JMY: variants seen among roughly 807,000 people sequenced by gnomAD.
JMY encodes junction mediating and regulatory protein, p53 cofactor, also known as junction-mediating and -regulatory protein.
Under a neutral mutation model 103.3 loss-of-function variants are expected in JMY, and 46 were observed. The observed-to-expected ratio is 0.45, with a 90% CI of 0.35 to 0.57. JMY has a LOEUF of 0.57. Ranked by LOEUF, JMY falls within the 20% of genes least tolerant of loss-of-function variation. JMY has a pLI of 0.00. For synonymous variants in JMY, 526 were observed against 489.3 expected, an observed-to-expected ratio of 1.07 and a Z score of -0.99; for missense variants, 1,238 against 1,255.2, an observed-to-expected ratio of 0.99 and a Z score of 0.21.
chr5:79,269,782 G>A (rs1745688659), intron 1 of JMY, among the ~76,000 whole-genome samples: 1 of 151,630 alleles, frequency 6.6e-6, no homozygotes, highest in Non-Finnish European at 1.5e-5. Flanking sequence ...CTAGGCTGGA[G>A]TGCAGTGGCG....
intron 10 of JMY, among the ~76,000 whole-genome samples, chr5:79,319,344 T>C (rs2112126338): frequency 6.6e-6 from 1 of 152,294 alleles, no homozygotes; most frequent in East Asian, 1.9e-4. Context: ...GTGAAACACT[T>C]AGAAAATATA....
intron 1 of JMY, among the ~76,000 whole-genome samples, chr5:79,257,856 G>A (rs1745294644): frequency 6.6e-6 from 1 of 152,024 alleles, no homozygotes; most frequent in Non-Finnish European, 1.5e-5. Flanking sequence ...TCTGCCTCCT[G>A]TGTTCAAGCA....
rs559559818 is a variant in JMY at position 79,239,491 on chromosome 5, T to A, written c.1032+1809T>A. Reference sequence around the variant, plus strand: ...CTTAATGAATGGGCCTGTCTGATTGTAACTTTTTGGATACTCAGAAAAAGC... The same window carrying A: ...CTTAATGAATGGGCCTGTCTGATTGAAACTTTTTGGATACTCAGAAAAAGC... On this transcript the variant is annotated intron_variant, in intron 1 of 10. Coordinates refer to ENST00000396137, the MANE Select transcript of JMY (RefSeq NM_152405.5). Among the ~76,000 whole-genome samples, 3 of 152,352 alleles carry A rather than the reference T, an allele frequency of 2.0e-5. No homozygotes were observed. In the East Asian group the frequency reaches 5.8e-4, roughly 29 times the overall value.
In JMY at chr5:79,322,794, G is replaced by A. The variant is rs1423726777; in HGVS notation, c.*1192G>A. 6.6e-6 allele frequency: 1 copy of A among 152,198 alleles called. No homozygotes were observed. Among genetic ancestry groups the A allele is most frequent in the Admixed American group, 6.5e-5 (1 of 15,278 alleles). The allele number at this position is 152,198 out of a possible 1,614,324, so 9.4% of individuals were successfully genotyped here. A position where few individuals can be genotyped will look rare whatever the true frequency, so the allele number is the denominator to read the frequency against. ...ATACATGTAGATCATTGGACTCAGT[G>A]TGCAGTACCCTGTACATATAATTCT... On this transcript the variant is annotated 3_prime_UTR_variant, in exon 11 of 11. Transcript: ENST00000396137.
rs55994052 is a variant in JMY, at chr5:79,310,057, C to CTTTTTTTTT, written c.1969-2328_1969-2320dup. On this transcript the variant is annotated intron_variant, in intron 7 of 10. Transcript: ENST00000396137. Reference sequence around the variant, plus strand: ...TAGTAAATCGATTATCTTTCTTTTCCTTTTTTTTTTTTTTTTTTTTTTTTT... The same window carrying CTTTTTTTTT: ...TAGTAAATCGATTATCTTTCTTTTCCTTTTTTTTTTTTTTTTTTTTTTTTTTTTTTTTTT... Among the ~76,000 whole-genome samples, 13 of 73,666 alleles carry CTTTTTTTTT rather than the reference C, an allele frequency of 1.8e-4. 1 individual carries two copies. The highest frequency in any genetic ancestry group is 5.8e-4 in the African/African-American group (9 of 15,482). The allele number at this position is 73,666 out of a possible 152,430, so 48.3% of individuals were successfully genotyped here. A position where few individuals can be genotyped will look rare whatever the true frequency, so the allele number is the denominator to read the frequency against.
chr5:79,278,838 A>G (rs986721741), intron 2 of JMY, among the ~76,000 whole-genome samples: 1 of 138,708 alleles, frequency 7.2e-6, no homozygotes, highest in Non-Finnish European at 1.5e-5. Context: ...CATGTTGCCC[A>G]GGCTGGTCTG....
At chr5:79,263,474 A>C (rs1233990096) in intron 1 of JMY, among the ~76,000 whole-genome samples, 1 of 151,910 alleles carries the variant, frequency 6.6e-6, no homozygotes, top group African/African-American at 2.4e-5. Context: ...ACTCACTGCA[A>C]CCTCCATCTC....
At chr5:79,291,938 G>A (rs1409858214) in intron 4 of JMY, among the ~76,000 whole-genome samples, 1 of 152,178 alleles carries the variant, frequency 6.6e-6, no homozygotes, top group Non-Finnish European at 1.5e-5. Flanking sequence ...TAAGAATACA[G>A]CATTATGTAA....
chr5:79,275,243 C>T (rs1445477845), intron 1 of JMY, among the ~76,000 whole-genome samples: 1 of 151,316 alleles, frequency 6.6e-6, no homozygotes, highest in African/African-American at 2.4e-5. Flanking sequence ...TCACTGCAAG[C>T]TCCGCCTCCC....
intron 4 of JMY, 71 bp downstream of exon 4, chr5:79,291,370 A>AT (rs1299012706): frequency 1.5e-6 from 2 of 1,346,348 alleles, no homozygotes; most frequent in East Asian, 2.4e-5. Context: ...TGCACAAGAC[A>AT]TTTTTTTGAT....
chr5:79,290,126 C>T lies in JMY; in HGVS notation c.1212C>T (p.Ser404=), dbSNP rs2112097654. The T allele has an allele frequency of 1.9e-6, 3 of 1,568,806 alleles. No homozygotes were observed. Among genetic ancestry groups the T allele is most frequent in the Non-Finnish European group, 2.6e-6 (3 of 1,161,674 alleles). The change falls in exon 3 of 11, where the codon TCC becomes TCT. Residue 404 remains serine, a synonymous_variant. Transcript: ENST00000396137. ...AMLRRQQIKI[S]MENDYLGPRR... ...TTTTCTTTTTCTCTCTGAAGATTTC[C>T]ATGGAGAATGATTATCTGGGACCTC... is the stretch of plus-strand genomic sequence containing the variant.
Position 79,236,986 on chromosome 5 carries a change from G to A in JMY, c.336G>A (p.Glu112=). 6.8e-7 allele frequency: 1 copy of A among 1,462,720 alleles called. No individual in the cohort carries two copies. Among genetic ancestry groups the A allele is most frequent in the Non-Finnish European group, 9.0e-7 (1 of 1,109,710 alleles). The allele number at this position is 1,462,720 out of a possible 1,614,324, so 90.6% of individuals were successfully genotyped here. Residue 112 remains glutamate, a synonymous_variant, in exon 1 of 11, where the codon GAG becomes GAA. Coordinates refer to ENST00000396137, the MANE Select transcript of JMY (RefSeq NM_152405.5). ...CCCGGCGGAGCTCGGCCTGGGCGGAGGGCGGCTCTCCTCGGAGCACTCGCA... is the reference window on the plus strand; with the variant it reads ...CCCGGCGGAGCTCGGCCTGGGCGGAAGGCGGCTCTCCTCGGAGCACTCGCA... ...PGPRRSSAWA[E]GGSPRSTRSL...
At chr5:79,259,065 C>T (rs1172519423) in intron 1 of JMY, among the ~76,000 whole-genome samples, 1 of 152,128 alleles carries the variant, frequency 6.6e-6, no homozygotes, top group Non-Finnish European at 1.5e-5. Flanking sequence ...GCCAGCATGT[C>T]CCGATGAGTG....
intron 6 of JMY, among the ~76,000 whole-genome samples, chr5:79,305,816 C>CT (rs1164604832): frequency 6.6e-6 from 1 of 152,138 alleles, no homozygotes; most frequent in Non-Finnish European, 1.5e-5. Context: ...AATTCATGGT[C>CT]TTTAACTTGT....
At chr5:79,317,083 C>G (rs1270606165) in intron 10 of JMY, among the ~76,000 whole-genome samples, 2 of 151,504 alleles carry the variant, frequency 1.3e-5, no homozygotes, top group East Asian at 3.9e-4. Context: ...TAATGCAAAG[C>G]CTTTTCTGAC....
intron 1 of JMY, among the ~76,000 whole-genome samples, chr5:79,274,931 ATTGTT>A (rs1745894737): frequency 6.6e-6 from 1 of 152,090 alleles, no homozygotes; most frequent in African/African-American, 2.4e-5. Flanking sequence ...TGAAATATTT[ATTGTT>A]TTGTTTTATC....
At chr5:79,276,667 C>T (rs1001860776) in intron 1 of JMY, among the ~76,000 whole-genome samples, 3 of 151,492 alleles carry the variant, frequency 2.0e-5, no homozygotes, top group Non-Finnish European at 2.9e-5. Context: ...AGTTCAGTGG[C>T]GTGATCTCGG....
rs1580349871 is a variant in JMY, at chr5:79,277,985, A to G, written c.1108A>G (p.Ser370Gly). ...DLYQMEDEAY[S>G]SLAEATTELY... Reference sequence around the variant, plus strand: ...GTATCAGATGGAGGATGAAGCCTACAGCAGCCTTGCAGAAGCTACAACCGA... The same window carrying G: ...GTATCAGATGGAGGATGAAGCCTACGGCAGCCTTGCAGAAGCTACAACCGA... Residue 370 changes from serine to glycine, a missense_variant, in exon 2 of 11, where the codon AGC becomes GGC. Physicochemically the swap from Ser to Gly is moderately conservative, Grantham distance 56 (BLOSUM62 0). Transcript: ENST00000396137. 6.2e-7 allele frequency: 1 copy of G among 1,614,124 alleles called. No individual in the cohort carries two copies. The highest frequency in any genetic ancestry group is 2.2e-5 in the East Asian group (1 of 44,870).
At chr5:79,291,755 ACCT>A (rs1486839718) in intron 4 of JMY, among the ~76,000 whole-genome samples, 6 of 151,858 alleles carry the variant, frequency 4.0e-5, no homozygotes, top group African/African-American at 1.5e-4. Flanking sequence ...ATCTCCCACC[ACCT>A]CTGTACCCGC....
Sources: gnomAD v4.1 joint callset for allele counts (sites outside exome capture counted in the v4.1 genomes callset) on GRCh38, gnomAD v4.1.1 for gene constraint, MANE v1.5 for transcripts, NCBI Gene and HGNC (gene_info 2026-07-23, HGNC 2026-07-21) for gene names.